SLC9A9: variants seen among roughly 807,000 people sequenced by gnomAD.
The protein encoded by SLC9A9 is sodium/hydrogen exchanger 9.
Under a neutral mutation model 77.8 loss-of-function variants are expected in SLC9A9, and 62 were observed. The ratio of observed to expected loss-of-function variants is 0.80; its 90% CI spans 0.65 to 0.98. The LOEUF (loss-of-function observed/expected upper bound fraction) is 0.98. SLC9A9 is among the 50% of genes least tolerant of loss of function. The pLI is 0.00. For missense variants in SLC9A9, 775 were observed against 774.9 expected, an observed-to-expected ratio of 1.00 and a Z score of 0.00; for synonymous variants, 320 against 283.5, an observed-to-expected ratio of 1.13 and a Z score of -1.29.
chr3:143,311,958 G>A (rs2031034135), intron 14 of SLC9A9, among the ~76,000 whole-genome samples: 1 of 152,204 alleles, frequency 6.6e-6, no homozygotes, highest in African/African-American at 2.4e-5. Context: ...AAGATTAAAT[G>A]GGTTAGATTT....
intron 6 of SLC9A9, among the ~76,000 whole-genome samples, chr3:143,618,644 C>T (rs2038148242): frequency 6.6e-6 from 1 of 152,156 alleles, no homozygotes; most frequent in Admixed American, 6.5e-5. Context: ...AGGAGAATGA[C>T]CATTCTTCTC....
intron 14 of SLC9A9, among the ~76,000 whole-genome samples, chr3:143,279,107 G>T (rs1243916486): frequency 2.6e-5 from 4 of 152,146 alleles, no homozygotes; most frequent in Admixed American, 1.3e-4. Flanking sequence ...ACCATCCCAA[G>T]TCAATTTACT....
chr3:143,541,850 T>C (rs756727695), intron 9 of SLC9A9, among the ~76,000 whole-genome samples: 20 of 152,232 alleles, frequency 1.3e-4, no homozygotes, highest in Non-Finnish European at 2.5e-4. Context: ...GTAGGACAGA[T>C]TTAACTGAGA....
chr3:143,386,850 T>C (rs974998790), intron 12 of SLC9A9, among the ~76,000 whole-genome samples: 5 of 152,144 alleles, frequency 3.3e-5, no homozygotes, highest in Non-Finnish European at 5.9e-5. Context: ...ATTTATTTCT[T>C]TTATTTTTGA....
chr3:143,292,845 C>T (rs1387156934), intron 14 of SLC9A9, among the ~76,000 whole-genome samples: 2 of 152,138 alleles, frequency 1.3e-5, no homozygotes, highest in Admixed American at 6.5e-5. Flanking sequence ...TCCCTCTGCA[C>T]GTTGATGACA....
At chr3:143,428,089 C>A (rs981915298) in intron 12 of SLC9A9, among the ~76,000 whole-genome samples, 1 of 152,146 alleles carries the variant, frequency 6.6e-6, no homozygotes, top group Non-Finnish European at 1.5e-5. Context: ...AATAGGATTA[C>A]ATCAAGCCCA....
rs1228825337 is a variant in SLC9A9 at position 143,524,103 on chromosome 3, T to C, written c.1089+28259A>G. Among the ~76,000 whole-genome samples the C allele has an allele frequency of 4.0e-5, 6 of 151,792 alleles. No homozygotes were observed. The South Asian group carries it at 1.0e-3, about 26-fold the overall frequency. On this transcript the variant is annotated intron_variant, in intron 9 of 15. Transcript: ENST00000316549. ...GAAGATCAAGAAAGGGCTGGGTGTT[T>C]CAGAGAAACCAAGTGAAGAGAGGGG...
chr3:143,641,608 T>C (rs924052245), intron 6 of SLC9A9, among the ~76,000 whole-genome samples: 1 of 152,130 alleles, frequency 6.6e-6, no homozygotes, highest in Non-Finnish European at 1.5e-5. Flanking sequence ...TTAGCCAGGA[T>C]GGTCTCGATC....
chr3:143,303,248 G>T (rs971516531), intron 14 of SLC9A9, among the ~76,000 whole-genome samples: 3 of 152,254 alleles, frequency 2.0e-5, no homozygotes, highest in Non-Finnish European at 4.4e-5. Context: ...TTGTGTTGGG[G>T]CTGGGGAGGG....
At chr3:143,277,295 T>A (rs918898490) in intron 14 of SLC9A9, among the ~76,000 whole-genome samples, 1 of 152,186 alleles carries the variant, frequency 6.6e-6, no homozygotes, top group African/African-American at 2.4e-5. Flanking sequence ...TTTCCCTAAG[T>A]GTAGTCTCCC....
chr3:143,287,999 T>C (rs1938428272), intron 14 of SLC9A9, among the ~76,000 whole-genome samples: 1 of 152,184 alleles, frequency 6.6e-6, no homozygotes, highest in Admixed American at 6.5e-5. Context: ...GATCAATTTG[T>C]TTTTATTCAG....
chr3:143,737,107 A>T (rs1002779338), intron 4 of SLC9A9, among the ~76,000 whole-genome samples: 6 of 152,186 alleles, frequency 3.9e-5, no homozygotes, highest in African/African-American at 1.4e-4. Flanking sequence ...CCACATTAAT[A>T]ATGTCAAAAC....
intron 4 of SLC9A9, among the ~76,000 whole-genome samples, chr3:143,700,286 C>T (rs1358143985): frequency 6.6e-6 from 1 of 152,082 alleles, no homozygotes; most frequent in African/African-American, 2.4e-5. Flanking sequence ...TGGGAAGAGT[C>T]TCCTTCCTGA....
chr3:143,382,351 C>T (rs533928235), intron 12 of SLC9A9, among the ~76,000 whole-genome samples: 40 of 152,308 alleles, frequency 2.6e-4, no homozygotes, highest in Non-Finnish European at 5.0e-4. Context: ...TCACTACTGT[C>T]GTTCCTGGCA....
At chr3:143,823,523 A>G (rs980668499) in intron 2 of SLC9A9, among the ~76,000 whole-genome samples, 3 of 152,204 alleles carry the variant, frequency 2.0e-5, no homozygotes, top group Non-Finnish European at 4.4e-5. Context: ...CAGAAAAGAC[A>G]CAAAGGATAA....
At chr3:143,845,993 G>T (rs918286348) in intron 1 of SLC9A9, among the ~76,000 whole-genome samples, 3 of 152,170 alleles carry the variant, frequency 2.0e-5, no homozygotes, top group Non-Finnish European at 4.4e-5. Flanking sequence ...GCAATTTAGA[G>T]AAATGCTACC....
intron 13 of SLC9A9, among the ~76,000 whole-genome samples, chr3:143,371,342 C>A (rs193076134): frequency 6.6e-6 from 1 of 151,978 alleles, no homozygotes; most frequent in South Asian, 2.1e-4. Flanking sequence ...GCCCTAAAAC[C>A]GAGGATGAAA....
intron 14 of SLC9A9, among the ~76,000 whole-genome samples, chr3:143,307,050 T>A (rs1411652409): frequency 6.6e-6 from 1 of 152,238 alleles, no homozygotes; most frequent in Non-Finnish European, 1.5e-5. Context: ...TGTGTCCTTG[T>A]CTATGAAACT....
chr3:143,795,202 C>T (rs375144232), intron 3 of SLC9A9, 125 bp from the exon 4 acceptor site: 9 of 684,830 alleles, frequency 1.3e-5, no homozygotes, highest in Admixed American at 4.5e-5. Flanking sequence ...GTTTTGGAGC[C>T]TCGTTCCTGG....
Sources: allele counts gnomAD v4.1 joint callset (sites outside exome capture counted in the v4.1 genomes callset), GRCh38; gene constraint gnomAD v4.1.1; transcripts MANE v1.5; gene names NCBI Gene and HGNC (gene_info 2026-07-23, HGNC 2026-07-21).